Variants in SMIM20 observed in about 807,000 individuals in gnomAD.
SMIM20 encodes the protein mitochondrial translation regulation assembly intermediate of cytochrome c oxidase protein of 7 kDa.
In SMIM20, 3 loss-of-function variants were observed where a neutral mutation model predicts 8.7. The observed-to-expected ratio is 0.34, with a 90% CI of 0.16 to 0.89. The LOEUF is 0.89. SMIM20 is among the 40% of genes least tolerant of loss of function. SMIM20 has a pLI of 0.49. For synonymous variants in SMIM20, 44 were observed against 33.6 expected, an observed-to-expected ratio of 1.31 and a Z score of -1.07; for missense variants, 85 against 84.8, an observed-to-expected ratio of 1.00 and a Z score of -0.01.
intron 1 of SMIM20, among the ~76,000 whole-genome samples, chr4:25,915,644 G>A (rs1382173295): frequency 1.3e-5 from 2 of 152,156 alleles, no homozygotes; most frequent in Non-Finnish European, 2.9e-5. Flanking sequence ...GTGAAGCCCT[G>A]CGGGATCTGT....
At chr4:25,915,760 G>A (rs1719075367) in intron 1 of SMIM20, among the ~76,000 whole-genome samples, 1 of 148,082 alleles carries the variant, frequency 6.8e-6, no homozygotes, top group South Asian at 2.1e-4. Context: ...AGTCAGTTCT[G>A]AAAACTAGAG....
chr4:25,914,381 A>G lies in SMIM20; in HGVS notation c.68A>G (p.Tyr23Cys). 6.5e-7 allele frequency: 1 copy of G among 1,543,714 alleles called. No homozygotes were observed. Among genetic ancestry groups the G allele is most frequent in the Non-Finnish European group, 8.8e-7 (1 of 1,142,320 alleles). The change falls in exon 1 of 3, where the codon TAT becomes TGT. Residue 23 changes from tyrosine (Y) to cysteine (C), a missense_variant. By Grantham distance (194) the Tyr-to-Cys change is radical. Transcript: ENST00000506197. ...GFISLIGAAF[Y>C]PIYFRPLMRL... ...ATCTCCCTGATCGGCGCCGCCTTCT[A>G]TCCCATCTACTTCCGGCCCCTAATG...
intron 1 of SMIM20, among the ~76,000 whole-genome samples, chr4:25,924,421 G>A (rs1374201741): frequency 5.9e-5 from 9 of 152,040 alleles, no homozygotes; most frequent in Non-Finnish European, 1.2e-4. Flanking sequence ...GCAGTGAGCC[G>A]AGATCACGCC....
intron 1 of SMIM20, among the ~76,000 whole-genome samples, chr4:25,922,772 C>T (rs1719221951): frequency 6.6e-6 from 1 of 152,204 alleles, no homozygotes; most frequent in South Asian, 2.1e-4. Flanking sequence ...ACTGGCAAGG[C>T]AGTCCATGTA....
At chr4:25,924,763 A>T (rs981717570) in intron 1 of SMIM20, among the ~76,000 whole-genome samples, 3 of 152,246 alleles carry the variant, frequency 2.0e-5, no homozygotes, top group African/African-American at 7.2e-5. Context: ...GAACAAGGGC[A>T]TTCTCTTATG....
chr4:25,929,277 G>C lies in SMIM20; in HGVS notation c.*86G>C, dbSNP rs774992968. The C allele has an allele frequency of 2.1e-6, 3 of 1,411,346 alleles. No homozygotes were observed. The highest frequency in any genetic ancestry group is 2.9e-6 in the Non-Finnish European group (3 of 1,025,722). 87.4% of individuals were successfully genotyped at this position (1,411,346 alleles called of 1,614,324 possible). Reference sequence around the variant, plus strand: ...GGGTACAGCCAGTCACCTCACCAGAGAATGACGGCTGGAGAAGAAAACTCT... The same window carrying C: ...GGGTACAGCCAGTCACCTCACCAGACAATGACGGCTGGAGAAGAAAACTCT... On this transcript the variant is annotated 3_prime_UTR_variant, in exon 3 of 3. Coordinates refer to ENST00000506197, the MANE Select transcript of SMIM20 (RefSeq NM_001145432.3).
chr4:25,919,964 A>G (rs1015432306), intron 1 of SMIM20, among the ~76,000 whole-genome samples: 65 of 152,082 alleles, frequency 4.3e-4, no homozygotes, highest in African/African-American at 1.4e-3. Flanking sequence ...CGCTGCTTAC[A>G]TTTCACTCCT....
At chr4:25,920,882 G>C (rs1021946262) in intron 1 of SMIM20, among the ~76,000 whole-genome samples, 7 of 152,174 alleles carry the variant, frequency 4.6e-5, no homozygotes, top group African/African-American at 1.7e-4. Flanking sequence ...GTACAGGTTT[G>C]TAGCCTAGGA....
intron 1 of SMIM20, among the ~76,000 whole-genome samples, chr4:25,923,775 T>C (rs1719240994): frequency 6.6e-6 from 1 of 152,264 alleles, no homozygotes; most frequent in Admixed American, 6.5e-5. Flanking sequence ...GGCATTTTCC[T>C]TGTGACATGC....
intron 1 of SMIM20, among the ~76,000 whole-genome samples, chr4:25,921,170 T>C (rs903919316): frequency 3.9e-5 from 6 of 152,192 alleles, no homozygotes; most frequent in African/African-American, 1.4e-4. Flanking sequence ...CTGTGTTTCC[T>C]GTGACCTCAG....
Position 25,929,174 on chromosome 4 carries a change from C to T in SMIM20, c.187C>T (p.Pro63Ser), listed in dbSNP as rs1711584293. 6.4e-7 allele frequency: 1 copy of T among 1,551,980 alleles called. No individual in the cohort carries two copies. Residue 63 changes from proline (P) to serine (S), a missense_variant, in exon 3 of 3, where the codon CCA (proline) becomes TCA (serine). Pro to Ser is a moderately conservative substitution (Grantham distance 74, BLOSUM62 -1). Coordinates refer to ENST00000506197, the MANE Select transcript of SMIM20 (RefSeq NM_001145432.3). ...CATAGGGTTAAAAGTGTGGTCTGATCCATTTGGCAGGAAATGAGAGGGCTG... is the reference window on the plus strand; with the variant it reads ...CATAGGGTTAAAAGTGTGGTCTGATTCATTTGGCAGGAAATGAGAGGGCTG... ...QPPGLKVWSDPFGRK is the reference protein window; with the variant it reads ...QPPGLKVWSDSFGRK
chr4:25,921,000 A>T (rs1365475757), intron 1 of SMIM20, among the ~76,000 whole-genome samples: 2 of 152,206 alleles, frequency 1.3e-5, no homozygotes, highest in Non-Finnish European at 2.9e-5. Context: ...CTAAGGACGC[A>T]TTTCTCAGAA....
intron 1 of SMIM20, among the ~76,000 whole-genome samples, chr4:25,917,946 G>GTTT (rs537806550): frequency 7.8e-5 from 10 of 127,994 alleles, no homozygotes; most frequent in Non-Finnish European, 1.3e-4. Flanking sequence ...TTTTTTTTTT[G>GTTT]TTTTTTTTTT....
rs555607350 is a variant in SMIM20 at position 25,921,215 on chromosome 4, A to C, written c.109+6793A>C. 2.1e-4 allele frequency among the ~76,000 whole-genome samples: 32 copies of C among 152,256 alleles called. No homozygotes were observed. The South Asian group carries it at 6.6e-3, about 32-fold the overall frequency. On this transcript the variant is annotated intron_variant, in intron 1 of 2. Transcript: ENST00000506197. ...AGTGGTGGCTATGGGAGTGGAGATA[A>C]GTGACTGCATTTGGGAGCCATATTT...
intron 1 of SMIM20, among the ~76,000 whole-genome samples, chr4:25,926,167 T>C (rs1577362397): frequency 6.6e-6 from 1 of 152,362 alleles, no homozygotes; most frequent in East Asian, 1.9e-4. Context: ...CATTTGCTCT[T>C]TTCCAAAGAT....
chr4:25,928,227 T>G (rs545525229), intron 1 of SMIM20, 86 bp from the exon 2 acceptor site: 4 of 1,309,366 alleles, frequency 3.1e-6, no homozygotes, highest in East Asian at 5.0e-5. Flanking sequence ...TTTCTAATTG[T>G]CCCATGTCAT....
Position 25,929,309 on chromosome 4 carries a change from C to T in SMIM20, c.*118C>T. 2.0e-6 allele frequency: 2 copies of T among 975,804 alleles called. No individual in the cohort carries two copies. The highest frequency in any genetic ancestry group is 3.1e-6 in the Non-Finnish European group (2 of 648,822). 60.4% of individuals were successfully genotyped at this position (975,804 alleles called of 1,614,324 possible). A position where few individuals can be genotyped will look rare whatever the true frequency, so the allele number is the denominator to read the frequency against. On this transcript the variant is annotated 3_prime_UTR_variant, in exon 3 of 3. Transcript: ENST00000506197. ...GGCTGGAGAAGAAAACTCTGTAATACCATAAATAAGAGTGCTTGTAATAAA... is the reference window on the plus strand; with the variant it reads ...GGCTGGAGAAGAAAACTCTGTAATATCATAAATAAGAGTGCTTGTAATAAA...
At chr4:25,916,947 G>A (rs1719102593) in intron 1 of SMIM20, among the ~76,000 whole-genome samples, 1 of 152,150 alleles carries the variant, frequency 6.6e-6, no homozygotes, top group African/African-American at 2.4e-5. Flanking sequence ...ATATTTGTGG[G>A]AAGTTTACTA....
intron 1 of SMIM20, among the ~76,000 whole-genome samples, chr4:25,922,974 A>G (rs998348124): frequency 1.3e-5 from 2 of 152,224 alleles, no homozygotes; most frequent in Non-Finnish European, 2.9e-5. Context: ...AGACTGCCTT[A>G]TTGGATTTCA....
Sources: allele counts gnomAD v4.1 joint callset (sites outside exome capture counted in the v4.1 genomes callset), GRCh38; gene constraint gnomAD v4.1.1; transcripts MANE v1.5; gene names NCBI Gene and HGNC (gene_info 2026-07-23, HGNC 2026-07-21).